The following CNTN3 variants were observed in gnomAD, a reference collection of about 807,000 sequenced individuals.
CNTN3 encodes contactin 3.
Under a neutral mutation model 119.1 loss-of-function variants are expected in CNTN3, and 60 were observed. That is an observed-to-expected ratio of 0.50 (90% CI 0.41 to 0.62). The LOEUF (loss-of-function observed/expected upper bound fraction) is 0.62, where lower values mean the gene tolerates loss of function less well. Among genes scored for constraint, CNTN3 ranks in the 20% least tolerant of loss-of-function variants. The pLI is 0.00. For synonymous variants in CNTN3, 450 were observed against 438.7 expected (o/e 1.03, Z -0.32); for missense variants, 1,101 against 1,242.4 (o/e 0.89, Z 1.71).
At position 74,263,988 on chromosome 3, in the gene CNTN3, T is replaced by C. The variant is rs918457304; in HGVS notation, c.*413A>G. On this transcript the variant is annotated 3_prime_UTR_variant, in exon 23 of 23. Coordinates refer to ENST00000263665, the MANE Select transcript of CNTN3 (RefSeq NM_020872.3). Reference sequence around the variant, plus strand: ...TGGGGACTTAAATCAGCATTTCAAATTGATACTGGTTAAGTCTTCCAAATA... The same window carrying C: ...TGGGGACTTAAATCAGCATTTCAAACTGATACTGGTTAAGTCTTCCAAATA... The C allele has an allele frequency of 6.5e-6, 1 of 152,994 alleles. No individual in the cohort carries two copies. Among genetic ancestry groups the C allele is most frequent in the Non-Finnish European group, 1.5e-5 (1 of 68,416 alleles). The allele number at this position is 152,994 out of a possible 1,614,324, so 9.5% of individuals were successfully genotyped here.
chr3:74,539,187 C>A (rs1225713587), intron 1 of CNTN3, among the ~76,000 whole-genome samples: 1 of 152,066 alleles, frequency 6.6e-6, no homozygotes, highest in East Asian at 1.9e-4. Flanking sequence ...ACACTGAGAT[C>A]CAACAATTTA....
chr3:74,587,509 C>T (rs566173644), intron 1 of CNTN3, among the ~76,000 whole-genome samples: 16 of 152,014 alleles, frequency 1.1e-4, no homozygotes, highest in Admixed American at 2.0e-4. Context: ...TGGGCAGATT[C>T]CATCTGCCAC....
intron 1 of CNTN3, among the ~76,000 whole-genome samples, chr3:74,580,281 C>T (rs1406036522): frequency 6.6e-6 from 1 of 152,122 alleles, no homozygotes; most frequent in Non-Finnish European, 1.5e-5. Flanking sequence ...GTGCTTCAGG[C>T]CAGAGACCTT....
intron 2 of CNTN3, among the ~76,000 whole-genome samples, chr3:74,506,753 C>CAAT (rs1703268840): frequency 7.7e-6 from 1 of 130,038 alleles, no homozygotes; most frequent in African/African-American, 2.9e-5. Flanking sequence ...AAAAAAAAAA[C>CAAT]AACACTTACA....
At chr3:74,478,280 T>G (rs752622830) in intron 4 of CNTN3, among the ~76,000 whole-genome samples, 1 of 152,122 alleles carries the variant, frequency 6.6e-6, no homozygotes, top group Non-Finnish European at 1.5e-5. Context: ...AAATGCAATA[T>G]GACAATGGGA....
At chr3:74,524,661 A>T (rs1703590215) in intron 1 of CNTN3, among the ~76,000 whole-genome samples, 1 of 151,504 alleles carries the variant, frequency 6.6e-6, no homozygotes, top group African/African-American at 2.4e-5. Flanking sequence ...TCTGGACACC[A>T]CTCCCCCATC....
intron 1 of CNTN3, among the ~76,000 whole-genome samples, chr3:74,560,289 G>A (rs1372937984): frequency 6.6e-6 from 1 of 152,156 alleles, no homozygotes; most frequent in African/African-American, 2.4e-5. Context: ...ATGGCACAGA[G>A]TGACTGCCTG....
intron 10 of CNTN3, 57 bp from the exon 11 acceptor site, chr3:74,362,097 A>G (rs897299965): frequency 6.3e-6 from 10 of 1,581,442 alleles, no homozygotes; most frequent in Admixed American, 1.8e-5. Flanking sequence ...CTTCTTGTCA[A>G]TTTCAAAGGT....
chr3:74,486,371 T>C, intron 4 of CNTN3, 85 bp downstream of exon 4: 1 of 1,217,458 alleles, frequency 8.2e-7, no homozygotes, highest in Non-Finnish European at 1.2e-6. Context: ...ACCCATGTAT[T>C]ATTTCTGAAA....
chr3:74,507,497 G>T (rs1244300931), intron 2 of CNTN3, among the ~76,000 whole-genome samples: 1 of 151,336 alleles, frequency 6.6e-6, no homozygotes, highest in African/African-American at 2.4e-5. Context: ...TCATAAAGTA[G>T]AAAAGAGCAT....
At chr3:74,370,309 T>C (rs912369556) in intron 6 of CNTN3, among the ~76,000 whole-genome samples, 3 of 152,106 alleles carry the variant, frequency 2.0e-5, no homozygotes, top group Admixed American at 2.0e-4. Flanking sequence ...ATTTGCTGAT[T>C]CATAGGTTAC....
intron 1 of CNTN3, among the ~76,000 whole-genome samples, chr3:74,546,108 G>T (rs570590322): frequency 4.2e-4 from 64 of 152,076 alleles, no homozygotes; most frequent in African/African-American, 1.5e-3. Context: ...CCATTCTCCT[G>T]CCTCAGCCTT....
chr3:74,351,396 A>G (rs562368485), intron 11 of CNTN3, among the ~76,000 whole-genome samples: 1 of 152,144 alleles, frequency 6.6e-6, no homozygotes, highest in Non-Finnish European at 1.5e-5. Flanking sequence ...CACGAGGCTG[A>G]CTAACTCTGT....
At chr3:74,564,487 G>A (rs1704198761) in intron 1 of CNTN3, among the ~76,000 whole-genome samples, 1 of 151,546 alleles carries the variant, frequency 6.6e-6, no homozygotes, top group Non-Finnish European at 1.5e-5. Flanking sequence ...CTGCCCCAGG[G>A]AGAAGGTACT....
intron 20 of CNTN3, among the ~76,000 whole-genome samples, chr3:74,281,102 G>A (rs1433043579): frequency 6.6e-6 from 1 of 152,118 alleles, no homozygotes; most frequent in Non-Finnish European, 1.5e-5. Context: ...ATTGGGGAGT[G>A]GATTGTATAA....
At chr3:74,499,277 T>C (rs1043998683) in intron 3 of CNTN3, among the ~76,000 whole-genome samples, 1 of 151,896 alleles carries the variant, frequency 6.6e-6, no homozygotes, top group South Asian at 2.1e-4. Flanking sequence ...AGTAAAATGG[T>C]AAACGGACAA....
intron 19 of CNTN3, among the ~76,000 whole-genome samples, chr3:74,289,346 T>C (rs912001586): frequency 4.6e-5 from 7 of 152,198 alleles, no homozygotes; most frequent in Non-Finnish European, 7.3e-5. Context: ...ATTTGGACAT[T>C]CTATTTGCTA....
At chr3:74,458,172 G>C (rs1318607237) in intron 4 of CNTN3, among the ~76,000 whole-genome samples, 1 of 152,018 alleles carries the variant, frequency 6.6e-6, no homozygotes, top group Non-Finnish European at 1.5e-5. Context: ...CTAGGAAGAG[G>C]TCTAGGAACA....
intron 2 of CNTN3, among the ~76,000 whole-genome samples, chr3:74,516,775 G>A (rs1444723784): frequency 6.9e-6 from 1 of 144,134 alleles, no homozygotes; most frequent in Non-Finnish European, 1.5e-5. Context: ...GCCCTGATAA[G>A]TAAATGAGCA....
Sources: allele counts gnomAD v4.1 joint callset (sites outside exome capture counted in the v4.1 genomes callset), GRCh38; gene constraint gnomAD v4.1.1; transcripts MANE v1.5; gene names NCBI Gene and HGNC (gene_info 2026-07-23, HGNC 2026-07-21).